MGMT: variants seen among roughly 807,000 people sequenced by gnomAD.
MGMT encodes the protein O-6-methylguanine-DNA methyltransferase, also known as methylated-DNA--protein-cysteine methyltransferase.
A neutral mutation model predicts 15.9 loss-of-function variants in MGMT; 14 were observed. That is an observed-to-expected ratio of 0.88 (90% confidence interval 0.58 to 1.37). The LOEUF (loss-of-function observed/expected upper bound fraction) is 1.37, where lower values mean the gene tolerates loss of function less well. MGMT is among the 40% of genes most tolerant of loss of function. The pLI is 0.00. For missense variants in MGMT, 282 were observed against 268.1 expected, an observed-to-expected ratio of 1.05 and a Z score of -0.36; for synonymous variants, 130 against 118.2, an observed-to-expected ratio of 1.10 and a Z score of -0.65.
At chr10:129,731,624 G>A (rs1848499209) in intron 3 of MGMT, among the ~76,000 whole-genome samples, 1 of 152,030 alleles carries the variant, frequency 6.6e-6, no homozygotes, top group South Asian at 2.1e-4. Context: ...TTGAACTCCT[G>A]ATCTTGTGAT....
intron 2 of MGMT, among the ~76,000 whole-genome samples, chr10:129,690,523 A>G (rs1847957491): frequency 6.6e-6 from 1 of 152,222 alleles, no homozygotes; most frequent in Non-Finnish European, 1.5e-5. Flanking sequence ...GACCATACCC[A>G]GAGCATTTGG....
At chr10:129,592,437 T>C (rs1846697622) in intron 2 of MGMT, among the ~76,000 whole-genome samples, 1 of 152,220 alleles carries the variant, frequency 6.6e-6, no homozygotes, top group South Asian at 2.1e-4. Flanking sequence ...TAGATTTGCA[T>C]ACCTCAGTGA....
intron 1 of MGMT, 32 bp from the exon 2 acceptor site, chr10:129,536,209 T>C (rs1194175804): frequency 6.2e-7 from 1 of 1,612,474 alleles, no homozygotes; most frequent in Non-Finnish European, 8.5e-7. Flanking sequence ...CTCTTACCTA[T>C]ACACTTTGTC....
At chr10:129,685,863 A>G (rs951899392) in intron 2 of MGMT, among the ~76,000 whole-genome samples, 1 of 152,212 alleles carries the variant, frequency 6.6e-6, no homozygotes, top group Non-Finnish European at 1.5e-5. Flanking sequence ...TTTCTAAGTA[A>G]TTGAATAAGA....
At chr10:129,526,076 C>T (rs7903069) in intron 1 of MGMT, among the ~76,000 whole-genome samples, 5,749 of 152,260 alleles carry the variant, frequency 0.038, 167 homozygotes, top group South Asian at 0.066. Context: ...GTGACCCAGC[C>T]GAATCCACGG....
chr10:129,584,885 G>A (rs529949357), intron 2 of MGMT, among the ~76,000 whole-genome samples: 1 of 152,322 alleles, frequency 6.6e-6, no homozygotes, highest in South Asian at 2.1e-4. Context: ...CTATACATCA[G>A]TTAAGTCAGT....
intron 2 of MGMT, among the ~76,000 whole-genome samples, chr10:129,611,771 T>TC (rs1846963839): frequency 1.3e-5 from 2 of 152,170 alleles, no homozygotes; most frequent in Non-Finnish European, 2.9e-5. Context: ...ATGAGATGCT[T>TC]CTCCCTCGAG....
chr10:129,730,174 C>G (rs1382725737), intron 3 of MGMT, among the ~76,000 whole-genome samples: 1 of 152,150 alleles, frequency 6.6e-6, no homozygotes, highest in Non-Finnish European at 1.5e-5. Context: ...TACTTAGGTT[C>G]TTTGGGGAGG....
chr10:129,584,203 C>G (rs561419825), intron 2 of MGMT, among the ~76,000 whole-genome samples: 2 of 152,122 alleles, frequency 1.3e-5, no homozygotes, highest in African/African-American at 2.4e-5. Context: ...GGGATTCTTG[C>G]AGGGAAACAG....
At chr10:129,716,255 A>G (rs1365604495) in intron 3 of MGMT, among the ~76,000 whole-genome samples, 1 of 152,196 alleles carries the variant, frequency 6.6e-6, no homozygotes, top group Non-Finnish European at 1.5e-5. Context: ...ACGCCCAGGA[A>G]GCACCCACTC....
At chr10:129,751,548 C>A (rs1848750680) in intron 3 of MGMT, among the ~76,000 whole-genome samples, 1 of 150,550 alleles carries the variant, frequency 6.6e-6, no homozygotes, top group Admixed American at 6.6e-5. Flanking sequence ...TATTTCCTTT[C>A]TGGTTGTTTT....
At chr10:129,747,562 C>T (rs531965007) in intron 3 of MGMT, among the ~76,000 whole-genome samples, 4 of 152,282 alleles carry the variant, frequency 2.6e-5, no homozygotes, top group African/African-American at 9.6e-5. Context: ...TCTGATACTG[C>T]ACACCTATTT....
chr10:129,606,857 T>A (rs1846897417), intron 2 of MGMT, among the ~76,000 whole-genome samples: 1 of 152,282 alleles, frequency 6.6e-6, no homozygotes, highest in Non-Finnish European at 1.5e-5. Context: ...CATCTCAATT[T>A]AACTTTCTGT....
At chr10:129,699,563 A>T (rs1334180054) in intron 2 of MGMT, among the ~76,000 whole-genome samples, 3 of 152,214 alleles carry the variant, frequency 2.0e-5, no homozygotes, top group African/African-American at 7.2e-5. Flanking sequence ...TATTGACATT[A>T]GTACATGAAC....
intron 2 of MGMT, among the ~76,000 whole-genome samples, chr10:129,686,206 T>A (rs931837875): frequency 4.0e-5 from 6 of 151,668 alleles, no homozygotes; most frequent in Middle Eastern, 3.2e-3. Flanking sequence ...GCACTTTTTT[T>A]AAACAAAGTT....
chr10:129,491,122 A>C (rs1845465455), intron 1 of MGMT, among the ~76,000 whole-genome samples: 1 of 152,068 alleles, frequency 6.6e-6, no homozygotes, highest in South Asian at 2.1e-4. Context: ...CTCCATCATC[A>C]TGCCTTCGTC....
At chr10:129,527,832 C>G (rs1340897157) in intron 1 of MGMT, among the ~76,000 whole-genome samples, 1 of 152,106 alleles carries the variant, frequency 6.6e-6, no homozygotes, top group Non-Finnish European at 1.5e-5. Flanking sequence ...AAAGCCAGGT[C>G]CTCTCCCTCC....
chr10:129,526,065 T>C (rs1272751829), intron 1 of MGMT, among the ~76,000 whole-genome samples: 2 of 152,198 alleles, frequency 1.3e-5, no homozygotes, highest in Non-Finnish European at 2.9e-5. Flanking sequence ...TTGTGCTGGA[T>C]GTGACCCAGC....
intron 1 of MGMT, among the ~76,000 whole-genome samples, chr10:129,517,592 CGCT>C: frequency 6.6e-6 from 1 of 151,936 alleles, no homozygotes; most frequent in African/African-American, 2.4e-5. Flanking sequence ...ATGGCACCTG[CGCT>C]GGGGCTCACC....
Sources: allele counts gnomAD v4.1 joint callset (sites outside exome capture counted in the v4.1 genomes callset), GRCh38; gene constraint gnomAD v4.1.1; transcripts MANE v1.5; gene names NCBI Gene and HGNC (gene_info 2026-07-23, HGNC 2026-07-21).